The following KCNG3 variants were observed in gnomAD, a reference collection of about 807,000 sequenced individuals.
The protein encoded by KCNG3 is voltage-gated potassium channel regulatory subunit KCNG3.
A neutral mutation model predicts 29.0 loss-of-function variants in KCNG3; 15 were observed. That is an observed-to-expected ratio of 0.52 (90% CI 0.35 to 0.80). The LOEUF (loss-of-function observed/expected upper bound fraction) is 0.80. Ranked by LOEUF, KCNG3 falls within the 30% of genes least tolerant of loss-of-function variation. The pLI is 0.01. For synonymous variants in KCNG3, 322 were observed against 248.9 expected (o/e 1.29, Z -2.76); for missense variants, 512 against 605.7 (o/e 0.85, Z 1.62).
intron 1 of KCNG3, among the ~76,000 whole-genome samples, chr2:42,473,261 TATC>T (rs1407608188): frequency 6.6e-6 from 1 of 152,100 alleles, no homozygotes; most frequent in Non-Finnish European, 1.5e-5. Flanking sequence ...TTAATTGTGT[TATC>T]ATCTATTGTT....
Position 42,472,901 on chromosome 2 carries a change from A to T in KCNG3, c.665+19936T>A, listed in dbSNP as rs1006069793. ...TAGATCTATCGATAGATATATATAT[A>T]TATTTTTTTTTTTTTTTTGAAACAG... On this transcript the variant is annotated intron_variant, in intron 1 of 1. Transcript: ENST00000306078. 2.8e-4 allele frequency among the ~76,000 whole-genome samples: 27 copies of T among 96,770 alleles called. No individual in the cohort carries two copies. The East Asian group carries it at 3.2e-3, about 11-fold the overall frequency. The allele number at this position is 96,770 out of a possible 152,430, so 63.5% of individuals were successfully genotyped here. A position where few individuals can be genotyped will look rare whatever the true frequency, so the allele number is the denominator to read the frequency against.
Position 42,493,521 on chromosome 2 carries a change from T to C in KCNG3, c.-20A>G. The C allele has an allele frequency of 7.4e-7, 1 of 1,344,566 alleles. No individual in the cohort carries two copies. Among genetic ancestry groups the C allele is most frequent in the Non-Finnish European group, 9.5e-7 (1 of 1,055,666 alleles). 83.3% of individuals were successfully genotyped at this position (1,344,566 alleles called of 1,614,324 possible). ...GGTCATGGCTGGCCGCCCGGGGGAC[T>C]TTCGGCCCGAGGGCCCCGCTGCAGC... On this transcript the variant is annotated 5_prime_UTR_variant, in exon 1 of 2. Coordinates refer to ENST00000306078, the MANE Select transcript of KCNG3 (RefSeq NM_133329.6).
At chr2:42,426,984 T>G in the KCNG3 span, among the ~76,000 whole-genome samples, 1 of 152,200 alleles carries the variant, frequency 6.6e-6, no homozygotes, top group Non-Finnish European at 1.5e-5. Context: ...TGTAAAGACA[T>G]TCTCAATGTA....
chr2:42,390,350 T>C, the KCNG3 span, among the ~76,000 whole-genome samples: 3 of 152,228 alleles, frequency 2.0e-5, no homozygotes, highest in South Asian at 6.2e-4. Flanking sequence ...CATTTATGAA[T>C]GGTGGATGCA....
At chr2:42,473,969 T>A (rs941922079) in intron 1 of KCNG3, among the ~76,000 whole-genome samples, 5 of 151,832 alleles carry the variant, frequency 3.3e-5, no homozygotes, top group South Asian at 2.1e-4. Context: ...CTGGCCAACA[T>A]GGTGAAACCC....
intron 1 of KCNG3, among the ~76,000 whole-genome samples, chr2:42,458,518 C>G (rs970044560): frequency 2.6e-5 from 4 of 152,208 alleles, no homozygotes; most frequent in Non-Finnish European, 5.9e-5. Flanking sequence ...GCAACAATAC[C>G]TGTCCTGCTA....
At chr2:42,445,957 C>G (rs886238504) in intron 1 of KCNG3, among the ~76,000 whole-genome samples, 1 of 151,894 alleles carries the variant, frequency 6.6e-6, no homozygotes, top group Admixed American at 6.6e-5. Flanking sequence ...GAACTCCTTA[C>G]GTCAGTTGTT....
chr2:42,470,195 T>C (rs1302370687), intron 1 of KCNG3: 1 of 427,876 alleles, frequency 2.3e-6, no homozygotes, highest in Non-Finnish European at 4.4e-6. Flanking sequence ...GGCTTGATAT[T>C]ATAAGACAAA....
the KCNG3 span, among the ~76,000 whole-genome samples, chr2:42,423,417 A>G: frequency 6.6e-6 from 1 of 152,336 alleles, no homozygotes; most frequent in East Asian, 1.9e-4. Flanking sequence ...CTTGGCTGGC[A>G]CATGAGATTT....
the KCNG3 span, among the ~76,000 whole-genome samples, chr2:42,392,200 T>A: frequency 6.6e-6 from 1 of 152,156 alleles, no homozygotes; most frequent in African/African-American, 2.4e-5. Flanking sequence ...CCTGCCACCT[T>A]CCTCTAATGC....
At chr2:42,465,424 C>T (rs1673119131) in intron 1 of KCNG3, among the ~76,000 whole-genome samples, 1 of 151,646 alleles carries the variant, frequency 6.6e-6, no homozygotes, top group Non-Finnish European at 1.5e-5. Flanking sequence ...ACCATGTTGC[C>T]CAGGCTGGTC....
intron 1 of KCNG3, among the ~76,000 whole-genome samples, chr2:42,479,298 T>C (rs1042940308): frequency 6.6e-6 from 1 of 152,142 alleles, no homozygotes. Flanking sequence ...CAGCTCCAAG[T>C]AGTGAATCCT....
the KCNG3 span, among the ~76,000 whole-genome samples, chr2:42,421,697 A>G: frequency 1.3e-5 from 2 of 152,108 alleles, no homozygotes; most frequent in Non-Finnish European, 2.9e-5. Flanking sequence ...TGGAGAACAG[A>G]GCAAAATACC....
At chr2:42,433,361 T>C in the KCNG3 span, among the ~76,000 whole-genome samples, 1 of 152,160 alleles carries the variant, frequency 6.6e-6, no homozygotes, top group Non-Finnish European at 1.5e-5. Flanking sequence ...TGGGTGTGTC[T>C]GTGAGGGTGT....
the KCNG3 span, among the ~76,000 whole-genome samples, chr2:42,417,561 A>G: frequency 6.6e-6 from 1 of 152,114 alleles, no homozygotes; most frequent in East Asian, 1.9e-4. Flanking sequence ...GGCTCAAGTG[A>G]TCTGCCGATC....
the KCNG3 span, among the ~76,000 whole-genome samples, chr2:42,430,711 G>C: frequency 6.6e-6 from 1 of 152,182 alleles, no homozygotes; most frequent in South Asian, 2.1e-4. Flanking sequence ...GAGACATCAT[G>C]CTGCTGCACT....
chr2:42,473,786 C>CA (rs757146267), intron 1 of KCNG3, among the ~76,000 whole-genome samples: 1 of 151,938 alleles, frequency 6.6e-6, no homozygotes, highest in Non-Finnish European at 1.5e-5. Flanking sequence ...GCTTTATTTT[C>CA]AACACTTATA....
intron 1 of KCNG3, among the ~76,000 whole-genome samples, chr2:42,464,517 T>A (rs1280873205): frequency 6.6e-6 from 1 of 152,210 alleles, no homozygotes; most frequent in South Asian, 2.1e-4. Flanking sequence ...ATACTCTGAG[T>A]ACTGAGGTAT....
At chr2:42,476,296 A>G (rs1315127872) in intron 1 of KCNG3, among the ~76,000 whole-genome samples, 1 of 151,410 alleles carries the variant, frequency 6.6e-6, no homozygotes, top group South Asian at 2.1e-4. Context: ...ACATAGAGAA[A>G]CCCAGTCTCT....
Sources: gnomAD v4.1 joint callset for allele counts (sites outside exome capture counted in the v4.1 genomes callset) on GRCh38, gnomAD v4.1.1 for gene constraint, MANE v1.5 for transcripts, NCBI Gene and HGNC (gene_info 2026-07-23, HGNC 2026-07-21) for gene names.